DPCD: variants seen among roughly 807,000 people sequenced by gnomAD.
DPCD encodes deleted in primary ciliary dyskinesia homolog (mouse), also known as protein DPCD.
In DPCD, 20 loss-of-function variants were observed where a neutral mutation model predicts 26.4. The observed-to-expected ratio is 0.76, with a 90% CI of 0.53 to 1.10. The LOEUF (loss-of-function observed/expected upper bound fraction) is 1.10. Among genes scored for constraint, DPCD ranks in the 50% least tolerant of loss-of-function variants. The probability of loss-of-function intolerance (pLI) is 0.00; values close to 1 mark genes in which losing one functional copy is unlikely to be tolerated. For missense variants in DPCD, 202 were observed against 253.9 expected (o/e 0.80, Z 1.39); for synonymous variants, 97 against 94.2 (o/e 1.03, Z -0.17).
At position 101,600,916 on chromosome 10, in the gene DPCD, G is replaced by A; in HGVS notation, c.270+54G>A. 6.2e-7 allele frequency: 1 copy of A among 1,610,290 alleles called. No homozygotes were observed. Among genetic ancestry groups the A allele is most frequent in the African/African-American group, 1.3e-5 (1 of 74,846 alleles). The stretch of plus-strand genomic sequence containing the variant: ...CGGACTGAGGTGGGGGTGGGCTGTG[G>A]GCTGCTGGCTCTTGAGGGCAGGGAC... On this transcript the variant is annotated intron_variant, in intron 3 of 5. Transcript: ENST00000370151. This position sits in a 1 kb window ranked among gnomAD's most constrained non-coding sequence, Gnocchi z 4.7.
chr10:101,605,666 C>T (rs1020663700), intron 4 of DPCD, among the ~76,000 whole-genome samples: 1 of 152,136 alleles, frequency 6.6e-6, no homozygotes, highest in Admixed American at 6.5e-5. Context: ...CCAGGGGACC[C>T]GCAGAGTGTT....
intron 4 of DPCD, among the ~76,000 whole-genome samples, chr10:101,606,664 C>A (rs1258382103): frequency 6.6e-6 from 1 of 152,162 alleles, no homozygotes; most frequent in African/African-American, 2.4e-5. Flanking sequence ...GTCTGGGACA[C>A]AGTTGATGCC....
chr10:101,591,938 G>A (rs941669030), intron 1 of DPCD, among the ~76,000 whole-genome samples: 7 of 152,020 alleles, frequency 4.6e-5, no homozygotes, highest in African/African-American at 1.2e-4. Context: ...CGCCTGCATC[G>A]GCTTCCCAAA....
rs983975335 is a variant in DPCD at position 101,601,008 on chromosome 10, G to C, written c.270+146G>C. 4 of 1,484,194 alleles carry C rather than the reference G, an allele frequency of 2.7e-6. No individual in the cohort carries two copies. In the African/African-American group the frequency reaches 5.7e-5, roughly 21 times the overall value. 91.9% of individuals were successfully genotyped at this position (1,484,194 alleles called of 1,614,324 possible). A position where few individuals can be genotyped will look rare whatever the true frequency, so the allele number is the denominator to read the frequency against. On this transcript the variant is annotated intron_variant, in intron 3 of 5. Transcript: ENST00000370151. ...CACAGCACTCTATAAATGTTTGTTT[G>C]AATGAATACAGACATTTTGGCTTGA... is the stretch of plus-strand genomic sequence containing the variant.
chr10:101,608,991 C>A, intron 5 of DPCD, 54 bp downstream of exon 5: 2 of 1,421,138 alleles, frequency 1.4e-6, no homozygotes, highest in Non-Finnish European at 2.0e-6. Flanking sequence ...CTTCCTCTTT[C>A]CCTGCCCACT....
At chr10:101,594,822 A>T in intron 2 of DPCD, 84 bp downstream of exon 2, 1 of 1,302,616 alleles carries the variant, frequency 7.7e-7, no homozygotes, top group South Asian at 1.2e-5. Flanking sequence ...CTTAGGCTTG[A>T]GGTAGGAGCC....
chr10:101,588,708 A>T, intron 1 of DPCD: 1 of 1,085,216 alleles, frequency 9.2e-7, no homozygotes, highest in African/African-American at 1.7e-5. Context: ...GCTAATTTTC[A>T]CCCCGTTTTA....
intron 2 of DPCD, among the ~76,000 whole-genome samples, chr10:101,595,076 T>G (rs1230653308): frequency 6.6e-6 from 1 of 152,206 alleles, no homozygotes; most frequent in African/African-American, 2.4e-5. Flanking sequence ...AAGGGCAGAC[T>G]TTCACAATTT....
Position 101,609,008 on chromosome 10 carries a change from C to T in DPCD, c.507+71C>T, listed in dbSNP as rs2063753700. The T allele has an allele frequency of 3.2e-6, 4 of 1,263,964 alleles. No homozygotes were observed. In the South Asian group the frequency reaches 3.6e-5, roughly 11 times the overall value. The allele number at this position is 1,263,964 out of a possible 1,614,324, so 78.3% of individuals were successfully genotyped here. Reference sequence around the variant, plus strand: ...TCCTCTTTCCCTGCCCACTTCCCATCCCATAAGAGTCCTCAGTTCTAGCCC... The same window carrying T: ...TCCTCTTTCCCTGCCCACTTCCCATTCCATAAGAGTCCTCAGTTCTAGCCC... On this transcript the variant is annotated intron_variant, in intron 5 of 5. Coordinates refer to ENST00000370151, the MANE Select transcript of DPCD (RefSeq NM_015448.3).
intron 4 of DPCD, 132 bp from the exon 5 acceptor site, chr10:101,608,703 G>T (rs1404952005): frequency 2.0e-5 from 13 of 636,938 alleles, no homozygotes; most frequent in Non-Finnish European, 3.7e-5. Flanking sequence ...GTTCTAACTG[G>T]TTTCCCTTCT....
rs2063686922 is a variant in DPCD at position 101,600,615 on chromosome 10, C to G, written c.146-123C>G. On this transcript the variant is annotated intron_variant, in intron 2 of 5. Transcript: ENST00000370151. This position sits in a 1 kb window ranked among gnomAD's most constrained non-coding sequence, Gnocchi z 4.7. ...GCTGAGAGTAAAGGCCCAACACTCC[C>G]ACTTTCATCTTGTGCTAGTTACCTA... The G allele has an allele frequency of 1.4e-6, 2 of 1,415,328 alleles. No homozygotes were observed. Among genetic ancestry groups the G allele is most frequent in the Non-Finnish European group, 1.9e-6 (2 of 1,053,440 alleles). 87.7% of individuals were successfully genotyped at this position (1,415,328 alleles called of 1,614,324 possible).
At chr10:101,588,501 C>A in intron 1 of DPCD, 101 bp downstream of exon 1, 1 of 1,510,128 alleles carries the variant, frequency 6.6e-7, no homozygotes, top group South Asian at 1.2e-5. Flanking sequence ...GGAAGGGTCT[C>A]GGCGGTCAGC....
intron 1 of DPCD, among the ~76,000 whole-genome samples, chr10:101,589,770 G>C (rs1371581759): frequency 6.6e-6 from 1 of 152,190 alleles, no homozygotes; most frequent in Non-Finnish European, 1.5e-5. Context: ...CGTAATTCCA[G>C]CTACTCTGGA....
Position 101,600,990 on chromosome 10 carries a change from C to T in DPCD, c.270+128C>T, listed in dbSNP as rs1199426201. ...TCCAGTGTGCCACCTGGACACAGCA[C>T]TCTATAAATGTTTGTTTGAATGAAT... On this transcript the variant is annotated intron_variant, in intron 3 of 5. Coordinates refer to ENST00000370151, the MANE Select transcript of DPCD (RefSeq NM_015448.3). This position sits in a 1 kb window ranked among gnomAD's most constrained non-coding sequence, Gnocchi z 4.7. The T allele has an allele frequency of 2.7e-6, 4 of 1,507,908 alleles. No individual in the cohort carries two copies. In the African/African-American group the frequency reaches 4.2e-5, roughly 16 times the overall value. The allele number at this position is 1,507,908 out of a possible 1,614,324, so 93.4% of individuals were successfully genotyped here.
At chr10:101,591,968 G>T (rs959158182) in intron 1 of DPCD, among the ~76,000 whole-genome samples, 1 of 152,210 alleles carries the variant, frequency 6.6e-6, no homozygotes, top group South Asian at 2.1e-4. Flanking sequence ...TTACAGGCGT[G>T]AGCCGCCTCG....
intron 4 of DPCD, chr10:101,605,347 A>T: frequency 7.5e-7 from 1 of 1,335,758 alleles, no homozygotes; most frequent in Non-Finnish European, 1.0e-6. Flanking sequence ...GAGGGGATAC[A>T]GTAGAGAGTG....
At chr10:101,609,053 G>C in intron 5 of DPCD, 116 bp downstream of exon 5, 1 of 901,232 alleles carries the variant, frequency 1.1e-6, no homozygotes, top group East Asian at 2.4e-5. Context: ...GGGTATGCTT[G>C]TGGGAGAATA....
intron 3 of DPCD, 80 bp from the exon 4 acceptor site, chr10:101,601,123 T>C (rs542100874): frequency 6.3e-7 from 1 of 1,585,428 alleles, no homozygotes; most frequent in African/African-American, 1.3e-5. Flanking sequence ...GGTCTTGTTG[T>C]GCCCCGGGGT....
intron 2 of DPCD, among the ~76,000 whole-genome samples, chr10:101,596,434 G>C (rs559690070): frequency 2.0e-4 from 31 of 152,344 alleles, no homozygotes; most frequent in African/African-American, 7.2e-4. Flanking sequence ...AAGAGGTTAA[G>C]CACCTTGTTG....
Sources: gnomAD v4.1 joint callset for allele counts (sites outside exome capture counted in the v4.1 genomes callset) on GRCh38, gnomAD v4.1.1 for gene constraint, Gnocchi (gnomAD v3.1) non-coding constraint, MANE v1.5 for transcripts, NCBI Gene and HGNC (gene_info 2026-07-23, HGNC 2026-07-21) for gene names.